The following PHF3 variants were observed in gnomAD, a reference collection of about 807,000 sequenced individuals.
PHF3 encodes the protein PHD finger protein 3.
PHF3 carries 41 observed loss-of-function variants against 178.4 expected under a neutral mutation model. The observed-to-expected ratio is 0.23, with a 90% CI of 0.18 to 0.30. The LOEUF (loss-of-function observed/expected upper bound fraction) is 0.30, where lower values mean the gene tolerates loss of function less well. Ranked by LOEUF, PHF3 falls within the 10% of genes least tolerant of loss-of-function variation. The pLI is 1.00. For missense variants in PHF3, 2,346 were observed against 2,398.1 expected (o/e 0.98, Z 0.45); for synonymous variants, 842 against 800.5 (o/e 1.05, Z -0.88).
chr6:63,699,730 A>G (rs1263024862), intron 8 of PHF3, among the ~76,000 whole-genome samples: 1 of 152,046 alleles, frequency 6.6e-6, no homozygotes, highest in Non-Finnish European at 1.5e-5. Context: ...AGCTGGGATT[A>G]CAGGCACACG....
Position 63,725,334 on chromosome 6 carries a change from T to A in PHF3, c.*11626T>A, listed in dbSNP as rs901776794. Reference sequence around the variant, plus strand: ...TATATTTCATATACACAAACAAATATGTATCGTTGTACTGATTATAAAACT... The same window carrying A: ...TATATTTCATATACACAAACAAATAAGTATCGTTGTACTGATTATAAAACT... On this transcript the variant is annotated 3_prime_UTR_variant, in exon 16 of 16. Coordinates refer to ENST00000262043, the MANE Select transcript of PHF3 (RefSeq NM_001370348.2). Among the ~76,000 whole-genome samples, 4 of 151,866 alleles carry A rather than the reference T, an allele frequency of 2.6e-5. No homozygotes were observed. Among genetic ancestry groups the A allele is most frequent in the Non-Finnish European group, 4.4e-5 (3 of 67,968 alleles).
In PHF3 at chr6:63,709,211, G is replaced by A. The variant is rs1767821208; in HGVS notation, c.3772G>A (p.Val1258Met). 2 of 1,611,324 alleles carry A rather than the reference G, an allele frequency of 1.2e-6. No individual in the cohort carries two copies. The highest frequency in any genetic ancestry group is 1.7e-6 in the Non-Finnish European group (2 of 1,178,586). The change falls in exon 14 of 16, where the codon GTG becomes ATG. Residue 1258 changes from valine (V) to methionine (M), a missense_variant. By Grantham distance (21) the Val-to-Met change is conservative. Coordinates refer to ENST00000262043, the MANE Select transcript of PHF3 (RefSeq NM_001370348.2). The stretch of plus-strand genomic sequence containing the variant: ...ATCACCTCAGACAGTTTGGGATTAT[G>A]TGGAAAAAATAAAAGCATCAGGAAC... ...RISPQTVWDY[V>M]EKIKASGTKE...
At chr6:63,672,077 G>A (rs1331827891) in intron 2 of PHF3, among the ~76,000 whole-genome samples, 4 of 152,132 alleles carry the variant, frequency 2.6e-5, no homozygotes, top group South Asian at 2.1e-4. Context: ...TTCTGACCTT[G>A]TCGTCTGTCC....
chr6:63,676,994 T>G (rs939028202), intron 2 of PHF3, among the ~76,000 whole-genome samples: 8 of 152,190 alleles, frequency 5.3e-5, no homozygotes, highest in African/African-American at 1.9e-4. Flanking sequence ...AGGACAGTTC[T>G]AGAGTTTTAG....
rs770840726 is a variant in PHF3, at chr6:63,720,660, A to C, written c.*6952A>C. 1.9e-6 allele frequency: 3 copies of C among 1,539,862 alleles called. No homozygotes were observed. In the African/African-American group the frequency reaches 4.1e-5, roughly 21 times the overall value. On this transcript the variant is annotated 3_prime_UTR_variant, in exon 16 of 16. Transcript: ENST00000262043. ...GTATCCTTCTAATTTAATTAGTTCA[A>C]TGTTTTTTGGTTCCTGAAAAAATAC...
At chr6:63,701,754 ACCT>A (rs1767487061) in intron 9 of PHF3, among the ~76,000 whole-genome samples, 1 of 151,642 alleles carries the variant, frequency 6.6e-6, no homozygotes, top group Non-Finnish European at 1.5e-5. Flanking sequence ...AAATAATATC[ACCT>A]CCTCTTCCTT....
In PHF3 at chr6:63,711,382, A is replaced by G. The variant is rs776824662; in HGVS notation, c.3997+20A>G. ...GACCTGGTAGGTATACGTTTTAATA[A>G]TAGGATAAGAATGAAATAACATGGG... On this transcript the variant is annotated intron_variant, in intron 15 of 15. Transcript: ENST00000262043. 1.3e-6 allele frequency: 2 copies of G among 1,563,704 alleles called. No individual in the cohort carries two copies. Among genetic ancestry groups the G allele is most frequent in the Non-Finnish European group, 1.7e-6 (2 of 1,148,252 alleles).
In PHF3 at chr6:63,685,226, A is replaced by G. The variant is rs776709996; in HGVS notation, c.1504A>G (p.Thr502Ala). The change falls in exon 4 of 16, where the codon ACC becomes GCC. Residue 502 changes from threonine (T) to alanine (A), a missense_variant. Around this residue, in one of 8 missense-constraint regions of PHF3, gnomAD observed 843 missense variants for 795.2 expected, o/e 1.06. Transcript: ENST00000262043. The stretch of plus-strand genomic sequence containing the variant: ...TGTAATTCATTCTAAGCAAAACATG[A>G]CCACAGATGCTCCGAAGAAAATTGT... Reference protein sequence around the residue: ...KPVIHSKQNMTTDAPKKIVAA... With the variant: ...KPVIHSKQNMATDAPKKIVAA... 1.2e-6 allele frequency: 2 copies of G among 1,613,970 alleles called. No homozygotes were observed. The highest frequency in any genetic ancestry group is 1.1e-5 in the South Asian group (1 of 91,060).
intron 6 of PHF3, among the ~76,000 whole-genome samples, chr6:63,696,768 T>C (rs1008604818): frequency 3.3e-5 from 5 of 151,994 alleles, no homozygotes; most frequent in Non-Finnish European, 7.4e-5. Flanking sequence ...TGTCTGGACA[T>C]TTAGTAAGAT....
Position 63,721,932 on chromosome 6 carries a change from G to T in PHF3, c.*8224G>T, listed in dbSNP as rs142523659. On this transcript the variant is annotated 3_prime_UTR_variant, in exon 16 of 16. Coordinates refer to ENST00000262043, the MANE Select transcript of PHF3 (RefSeq NM_001370348.2). ...ACAGATCTTGAGCACAATTGTGTTA[G>T]TTTTGTTTCCACTCACAGAGCAAAA... The T allele has an allele frequency of 1.8e-4, 140 of 792,776 alleles. No individual in the cohort carries two copies. The Middle Eastern group carries it at 1.9e-3, about 11-fold the overall frequency. The allele number at this position is 792,776 out of a possible 1,614,324, so 49.1% of individuals were successfully genotyped here.
At chr6:63,674,412 TTATA>T (rs946951510) in intron 2 of PHF3, among the ~76,000 whole-genome samples, 20 of 150,404 alleles carry the variant, frequency 1.3e-4, no homozygotes, top group Non-Finnish European at 3.0e-4. Context: ...AAAGCATTAT[TTATA>T]TAGCATTGTT....
At chr6:63,647,870 A>C (rs530738625) in intron 2 of PHF3, among the ~76,000 whole-genome samples, 1 of 152,296 alleles carries the variant, frequency 6.6e-6, no homozygotes, top group African/African-American at 2.4e-5. Flanking sequence ...CATTCCCTAG[A>C]GTAAATAGTT....
intron 5 of PHF3, among the ~76,000 whole-genome samples, chr6:63,694,252 T>G (rs1333525358): frequency 6.6e-6 from 1 of 152,238 alleles, no homozygotes; most frequent in East Asian, 1.9e-4. Flanking sequence ...TGCTAGTATA[T>G]AAGTGAACTT....
rs1297681424 is a variant in PHF3 at position 63,691,719 on chromosome 6, TG to T, written c.2190-16del. On this transcript the variant is annotated splice_polypyrimidine_tract_variant and intron_variant, in intron 4 of 15. Transcript: ENST00000262043. ...GTTAAAAAAAGGGATAAAAGTTTTT[TG>T]GTGTTCTGTTTTCCAGGTTTATGGT... 6.5e-7 allele frequency: 1 copy of T among 1,536,840 alleles called. No individual in the cohort carries two copies. Among genetic ancestry groups the T allele is most frequent in the Non-Finnish European group, 8.8e-7 (1 of 1,141,126 alleles).
chr6:63,709,707 A>G (rs1194025251), intron 14 of PHF3, among the ~76,000 whole-genome samples: 1 of 152,230 alleles, frequency 6.6e-6, no homozygotes, highest in Admixed American at 6.5e-5. Context: ...GGCAAATTGC[A>G]GTCATTAACT....
intron 1 of PHF3, among the ~76,000 whole-genome samples, chr6:63,640,676 T>G (rs988043267): frequency 6.6e-6 from 1 of 152,158 alleles, no homozygotes; most frequent in African/African-American, 2.4e-5. Flanking sequence ...CCAAACAACT[T>G]TTAGTTCCAT....
intron 2 of PHF3, among the ~76,000 whole-genome samples, chr6:63,674,155 C>A (rs1364329393): frequency 6.6e-6 from 1 of 151,470 alleles, no homozygotes; most frequent in Non-Finnish European, 1.5e-5. Context: ...TTTTTAGTAA[C>A]CATGTTTCTT....
At chr6:63,643,262 T>C (rs1187008593) in intron 1 of PHF3, among the ~76,000 whole-genome samples, 3 of 152,238 alleles carry the variant, frequency 2.0e-5, no homozygotes, top group Non-Finnish European at 4.4e-5. Context: ...AGAGCTATTT[T>C]ATTTTTGAGA....
In PHF3 at chr6:63,711,799, C is replaced by T; in HGVS notation, c.4211C>T (p.Thr1404Ile). ...EENDFFNSFT[T>I]VLHKQRNKPQ... ...AATGACTTTTTTAATTCTTTTACAA[C>T]TGTATTACACAAGCAGAGAAATAAA... Residue 1404 changes from threonine (T) to isoleucine (I), a missense_variant, in exon 16 of 16, where the codon ACT (threonine) becomes ATT (isoleucine). Thr to Ile is a moderately conservative substitution (Grantham distance 89). Transcript: ENST00000262043. 1 of 1,613,406 alleles carries T rather than the reference C, an allele frequency of 6.2e-7. No homozygotes were observed. The highest frequency in any genetic ancestry group is 8.5e-7 in the Non-Finnish European group (1 of 1,179,728).
Sources: allele counts gnomAD v4.1 joint callset (sites outside exome capture counted in the v4.1 genomes callset), GRCh38; gene constraint gnomAD v4.1.1; regional missense constraint gnomAD v4.1.1; transcripts MANE v1.5; gene names NCBI Gene and HGNC (gene_info 2026-07-23, HGNC 2026-07-21).